Variants in FBXW11 observed in about 807,000 individuals in gnomAD.
FBXW11 encodes F-box and WD repeat domain containing 11.
A neutral mutation model predicts 77.6 loss-of-function variants in FBXW11; 19 were observed. The ratio of observed to expected loss-of-function variants is 0.24; its 90% CI spans 0.17 to 0.36. The LOEUF is 0.36. Among genes scored for constraint, FBXW11 ranks in the 10% least tolerant of loss-of-function variants. The probability of loss-of-function intolerance (pLI) is 1.00; values close to 1 mark genes in which losing one functional copy is unlikely to be tolerated. For synonymous variants in FBXW11, 235 were observed against 249.4 expected (o/e 0.94, Z 0.54); for missense variants, 334 against 704.2 (o/e 0.47, Z 5.95).
At chr5:171,950,902 T>C (rs1315865647) in intron 2 of FBXW11, among the ~76,000 whole-genome samples, 1 of 152,024 alleles carries the variant, frequency 6.6e-6, no homozygotes, top group Non-Finnish European at 1.5e-5. Context: ...AATACATAAA[T>C]AAATAATTTT....
chr5:171,973,386 T>G (rs1764642777), intron 1 of FBXW11, among the ~76,000 whole-genome samples: 1 of 152,244 alleles, frequency 6.6e-6, no homozygotes, highest in African/African-American at 2.4e-5. Context: ...AAGCAATCTG[T>G]GACCTAAGTC....
At chr5:172,000,619 C>T (rs147936108) in intron 1 of FBXW11, among the ~76,000 whole-genome samples, 22 of 152,284 alleles carry the variant, frequency 1.4e-4, no homozygotes, top group Admixed American at 2.6e-4. Context: ...GTCTTGACTT[C>T]GCTTTAGGGT....
intron 1 of FBXW11, among the ~76,000 whole-genome samples, chr5:171,972,671 A>T (rs1219318356): frequency 1.3e-5 from 2 of 151,616 alleles, no homozygotes; most frequent in Non-Finnish European, 2.9e-5. Context: ...CAGCCTCCCA[A>T]GTAGCTGGGA....
chr5:171,889,386 G>C (rs1322847022), intron 7 of FBXW11, among the ~76,000 whole-genome samples: 2 of 152,000 alleles, frequency 1.3e-5, no homozygotes. Flanking sequence ...AAATTAGCTG[G>C]GCATGGTGGC....
At chr5:171,996,936 G>A in intron 1 of FBXW11, 1 of 1,289,716 alleles carries the variant, frequency 7.8e-7, no homozygotes, top group South Asian at 1.2e-5. Context: ...GAATGAATGG[G>A]GGTTTTCCCT....
chr5:171,951,982 T>C (rs1763344694), intron 2 of FBXW11, among the ~76,000 whole-genome samples: 1 of 152,184 alleles, frequency 6.6e-6, no homozygotes, highest in South Asian at 2.1e-4. Flanking sequence ...TAGCTATTTC[T>C]ATAAGGAGAA....
At chr5:171,927,289 T>C (rs917530266) in intron 2 of FBXW11, among the ~76,000 whole-genome samples, 6 of 152,236 alleles carry the variant, frequency 3.9e-5, no homozygotes, top group African/African-American at 1.4e-4. Context: ...GGATTAGTTT[T>C]GTGATATGCA....
chr5:171,964,838 CTT>C (rs908879204), intron 1 of FBXW11, among the ~76,000 whole-genome samples: 10 of 152,300 alleles, frequency 6.6e-5, no homozygotes, highest in Admixed American at 6.5e-4. Flanking sequence ...GTGCAAAATA[CTT>C]TCTTTTCCTT....
rs569700914 is a variant in FBXW11 at position 171,934,453 on chromosome 5, A to G, written c.148-20048T>C. 3.4e-3 allele frequency among the ~76,000 whole-genome samples: 525 copies of G among 152,206 alleles called. 3 individuals carry two copies. The highest frequency in any genetic ancestry group is 0.012 in the African/African-American group (505 of 41,548). ...CAGCACTTTGGGGGCCGAGGCATGC[A>G]GATCACTTGAGGCCAGGGTTCAAGA... On this transcript the variant is annotated intron_variant, in intron 2 of 13. Transcript: ENST00000517395.
chr5:171,971,009 C>T (rs925021581), intron 1 of FBXW11, among the ~76,000 whole-genome samples: 5 of 152,142 alleles, frequency 3.3e-5, no homozygotes, highest in Admixed American at 6.5e-5. Context: ...ATCCTGCAGG[C>T]AACTGGAAAA....
intron 2 of FBXW11, among the ~76,000 whole-genome samples, chr5:171,954,031 C>T (rs1334689883): frequency 6.6e-6 from 1 of 152,198 alleles, no homozygotes; most frequent in Non-Finnish European, 1.5e-5. Flanking sequence ...GTGATCCTCA[C>T]TGTCATTCCA....
chr5:171,974,459 C>T (rs968659724), intron 1 of FBXW11, among the ~76,000 whole-genome samples: 1 of 149,832 alleles, frequency 6.7e-6, no homozygotes, highest in African/African-American at 2.4e-5. Context: ...AAAAAAAATA[C>T]ACACACACAC....
At chr5:171,995,837 G>GA (rs1335280617) in intron 1 of FBXW11, among the ~76,000 whole-genome samples, 1 of 152,138 alleles carries the variant, frequency 6.6e-6, no homozygotes, top group Non-Finnish European at 1.5e-5. Flanking sequence ...ACGTGTTGTA[G>GA]AAAATCACAC....
intron 4 of FBXW11, among the ~76,000 whole-genome samples, chr5:171,902,082 TC>T (rs1357809181): frequency 6.6e-6 from 1 of 152,220 alleles, no homozygotes; most frequent in African/African-American, 2.4e-5. Flanking sequence ...CACTGCGACA[TC>T]CGGTCTGTAG....
intron 1 of FBXW11, among the ~76,000 whole-genome samples, chr5:171,975,014 G>C (rs1374289790): frequency 1.3e-5 from 2 of 151,862 alleles, no homozygotes; most frequent in South Asian, 4.1e-4. Context: ...GGCTAGTCTC[G>C]AACTCCTGAC....
At chr5:171,974,359 A>T (rs145265411) in intron 1 of FBXW11, among the ~76,000 whole-genome samples, 3,230 of 150,110 alleles carry the variant, frequency 0.022, 118 homozygotes, top group African/African-American at 0.075. Flanking sequence ...ACTGGAACCC[A>T]GGAGGCGGAG....
intron 2 of FBXW11, among the ~76,000 whole-genome samples, chr5:171,945,636 T>A (rs548644106): frequency 1.3e-5 from 2 of 152,336 alleles, no homozygotes; most frequent in African/African-American, 4.8e-5. Context: ...AATTGAGCAC[T>A]ATATACTAAT....
rs955231355 is a variant in FBXW11 at position 171,876,667 on chromosome 5, T to C, written c.972-133A>G. The stretch of plus-strand genomic sequence containing the variant: ...GACTCTACCAAATCTCATGTTGAAA[T>C]TGATCCTCAATGTTGGAGGTGGGGC... On this transcript the variant is annotated intron_variant, in intron 8 of 13. Transcript: ENST00000517395. This position sits in a 1 kb window ranked among gnomAD's most constrained non-coding sequence, Gnocchi z 4.2. The C allele has an allele frequency of 1.7e-6, 2 of 1,205,146 alleles. No individual in the cohort carries two copies. Among genetic ancestry groups the C allele is most frequent in the Admixed American group, 2.1e-5 (1 of 46,950 alleles). The allele number at this position is 1,205,146 out of a possible 1,614,324, so 74.7% of individuals were successfully genotyped here. A position where few individuals can be genotyped will look rare whatever the true frequency, so the allele number is the denominator to read the frequency against.
At chr5:171,960,659 TAG>T (rs1349670169) in intron 1 of FBXW11, among the ~76,000 whole-genome samples, 4 of 152,230 alleles carry the variant, frequency 2.6e-5, no homozygotes, top group African/African-American at 9.6e-5. Context: ...AAATACTATT[TAG>T]TATAACCTCG....
Sources: gnomAD v4.1 joint callset for allele counts (sites outside exome capture counted in the v4.1 genomes callset) on GRCh38, gnomAD v4.1.1 for gene constraint, Gnocchi (gnomAD v3.1) non-coding constraint, MANE v1.5 for transcripts, NCBI Gene and HGNC (gene_info 2026-07-23, HGNC 2026-07-21) for gene names.